The following MTUS2 variants were observed in gnomAD, a reference collection of about 807,000 sequenced individuals.
MTUS2 encodes microtubule associated scaffold protein 2.
MTUS2 carries 40 observed loss-of-function variants against 114.1 expected under a neutral mutation model. That is an observed-to-expected ratio of 0.35 (90% CI 0.27 to 0.46). The LOEUF is 0.46. Ranked by LOEUF, MTUS2 falls within the 20% of genes least tolerant of loss-of-function variation. MTUS2 has a pLI of 1.00. For missense variants in MTUS2, 1,679 were observed against 1,705.4 expected (o/e 0.98, Z 0.27); for synonymous variants, 688 against 672.0 (o/e 1.02, Z -0.37).
At chr13:28,896,232 T>A (rs1879256578) in intron 2 of MTUS2, among the ~76,000 whole-genome samples, 1 of 152,078 alleles carries the variant, frequency 6.6e-6, no homozygotes, top group African/African-American at 2.4e-5. Flanking sequence ...TGTGCAAAAA[T>A]CACAAGCATT....
chr13:29,329,157 G>A (rs1473108734), intron 7 of MTUS2, among the ~76,000 whole-genome samples: 1 of 152,016 alleles, frequency 6.6e-6, no homozygotes. Context: ...TATACTTTAA[G>A]TTCTGGGATA....
chr13:29,024,678 A>C lies in MTUS2; in HGVS notation c.-21A>C, dbSNP rs371449468. On this transcript the variant is annotated 5_prime_UTR_variant, in exon 3 of 16. Transcript: ENST00000612955. ...CATTAAGTAGGACTGCATGGCAAGC[A>C]GCCCCACCAAAGGGTTGACAATGAG... 6.2e-7 allele frequency: 1 copy of C among 1,610,238 alleles called. No homozygotes were observed. Among genetic ancestry groups the C allele is most frequent in the Non-Finnish European group, 8.5e-7 (1 of 1,178,210 alleles).
chr13:29,216,872 A>G (rs1295955609), intron 5 of MTUS2, among the ~76,000 whole-genome samples: 1 of 152,196 alleles, frequency 6.6e-6, no homozygotes, highest in Non-Finnish European at 1.5e-5. Flanking sequence ...TCCCACCAAC[A>G]GTGCACAAGA....
intron 2 of MTUS2, among the ~76,000 whole-genome samples, chr13:28,911,330 C>T (rs192229535): frequency 6.6e-6 from 1 of 151,850 alleles, no homozygotes; most frequent in East Asian, 1.9e-4. Context: ...CACGTACCAC[C>T]ATGCCCAGCT....
chr13:28,882,637 T>C (rs190551145), intron 2 of MTUS2, among the ~76,000 whole-genome samples: 9 of 152,196 alleles, frequency 5.9e-5, no homozygotes, highest in Admixed American at 4.6e-4. Context: ...CTCAGGAGGC[T>C]GAGGCAAGAA....
chr13:29,453,306 G>C (rs926428259), intron 9 of MTUS2, among the ~76,000 whole-genome samples: 2 of 152,164 alleles, frequency 1.3e-5, no homozygotes, highest in Non-Finnish European at 2.9e-5. Context: ...TGAGTTTCTC[G>C]TGAACCTCTT....
intron 6 of MTUS2, among the ~76,000 whole-genome samples, chr13:29,313,762 T>C (rs1007458756): frequency 2.6e-5 from 4 of 152,044 alleles, no homozygotes; most frequent in Non-Finnish European, 4.4e-5. Context: ...CACATCAGCA[T>C]GAAATTTTAC....
intron 2 of MTUS2, among the ~76,000 whole-genome samples, chr13:28,846,312 A>C (rs991249316): frequency 6.6e-6 from 1 of 152,164 alleles, no homozygotes; most frequent in Non-Finnish European, 1.5e-5. Flanking sequence ...TGGAGTTTAA[A>C]GGAATCGTCA....
At chr13:29,428,991 A>G in intron 8 of MTUS2, 1 of 1,238,970 alleles carries the variant, frequency 8.1e-7, no homozygotes, top group South Asian at 1.2e-5. Context: ...TCCCCCTAGC[A>G]TGCGTGTGCG....
At chr13:28,840,492 C>G (rs1875399994) in intron 2 of MTUS2, among the ~76,000 whole-genome samples, 1 of 152,198 alleles carries the variant, frequency 6.6e-6, no homozygotes, top group South Asian at 2.1e-4. Context: ...TTCAGCTATA[C>G]TGATTTTTAG....
intron 8 of MTUS2, among the ~76,000 whole-genome samples, chr13:29,387,289 G>C (rs992333389): frequency 1.3e-5 from 2 of 152,182 alleles, no homozygotes; most frequent in African/African-American, 4.8e-5. Flanking sequence ...TGAACAATCC[G>C]TTGGGCAGAC....
At chr13:29,260,053 T>G (rs1022332246) in intron 5 of MTUS2, among the ~76,000 whole-genome samples, 5 of 152,252 alleles carry the variant, frequency 3.3e-5, no homozygotes, top group Non-Finnish European at 7.3e-5. Flanking sequence ...AAGAAAAGAA[T>G]TCACTTTGTT....
intron 5 of MTUS2, among the ~76,000 whole-genome samples, chr13:29,172,858 A>G (rs1049773743): frequency 1.3e-5 from 2 of 152,222 alleles, no homozygotes; most frequent in Non-Finnish European, 2.9e-5. Context: ...AAACTTTAAA[A>G]CAAGGAGTCC....
intron 4 of MTUS2, among the ~76,000 whole-genome samples, chr13:29,059,806 A>C (rs1289078651): frequency 2.0e-5 from 3 of 152,180 alleles, no homozygotes; most frequent in Non-Finnish European, 4.4e-5. Context: ...CAGAAGTGGG[A>C]CCGTTTGTCT....
In MTUS2 at chr13:29,026,181, GA is replaced by G; in HGVS notation, c.1485del (p.Ala496HisfsTer18). 6.2e-7 allele frequency: 1 copy of G among 1,613,984 alleles called. No individual in the cohort carries two copies. Among genetic ancestry groups the G allele is most frequent in the Non-Finnish European group, 8.5e-7 (1 of 1,179,890 alleles). Reference sequence around the variant, plus strand: ...CCTGGACCCTCAAAGTGGCCGCTCAGAAGCACGGGAAAGCAAAGAGGTCACC... The same window carrying G: ...CCTGGACCCTCAAAGTGGCCGCTCAGAGCACGGGAAAGCAAAGAGGTCACC... ...EPLDPQSGRS[E>X]ARESKEVTTS... On this transcript the variant is annotated frameshift_variant, in exon 3 of 16. Coordinates refer to ENST00000612955, the MANE Select transcript of MTUS2 (RefSeq NM_001033602.4). LOFTEE classifies it high-confidence loss of function.
intron 2 of MTUS2, among the ~76,000 whole-genome samples, chr13:28,926,284 T>TA (rs1357462886): frequency 1.3e-5 from 2 of 152,208 alleles, no homozygotes; most frequent in Non-Finnish European, 2.9e-5. Context: ...AGATGAGTAA[T>TA]AAAAAATCAA....
intron 5 of MTUS2, among the ~76,000 whole-genome samples, chr13:29,205,385 ATT>A (rs778272421): frequency 1.7e-4 from 26 of 151,622 alleles, no homozygotes; most frequent in Admixed American, 2.6e-4. Flanking sequence ...CATTAATGTC[ATT>A]TCTCTCTTTT....
At chr13:29,236,287 C>T (rs1292898663) in intron 5 of MTUS2, among the ~76,000 whole-genome samples, 3 of 152,096 alleles carry the variant, frequency 2.0e-5, no homozygotes, top group Non-Finnish European at 4.4e-5. Flanking sequence ...GTATATTTTA[C>T]TCAATATTGT....
At chr13:29,339,686 A>G in intron 7 of MTUS2, 1 of 184,040 alleles carries the variant, frequency 5.4e-6, no homozygotes, top group Admixed American at 6.1e-5. Flanking sequence ...CCTGTTGGGA[A>G]AGTGCCTCCA....
Sources: gnomAD v4.1 joint callset for allele counts (sites outside exome capture counted in the v4.1 genomes callset) on GRCh38, gnomAD v4.1.1 for gene constraint, MANE v1.5 for transcripts, NCBI Gene and HGNC (gene_info 2026-07-23, HGNC 2026-07-21) for gene names.